Variants in HNRNPUL1 observed in about 807,000 individuals in gnomAD.
HNRNPUL1 encodes heterogeneous nuclear ribonucleoprotein U-like protein 1.
HNRNPUL1 carries 14 observed loss-of-function variants against 108.5 expected under a neutral mutation model. The observed-to-expected ratio is 0.13, with a 90% CI of 0.09 to 0.20. HNRNPUL1 has a LOEUF of 0.20. Among genes scored for constraint, HNRNPUL1 ranks in the 10% least tolerant of loss-of-function variants. The pLI, the probability that HNRNPUL1 is intolerant of heterozygous loss-of-function variation, is 1.00. For synonymous variants in HNRNPUL1, 422 were observed against 445.2 expected, an observed-to-expected ratio of 0.95 and a Z score of 0.66; for missense variants, 804 against 1,168.3, an observed-to-expected ratio of 0.69 and a Z score of 4.55.
intron 2 of HNRNPUL1, among the ~76,000 whole-genome samples, chr19:41,270,888 C>A (rs1439741458): frequency 6.6e-6 from 1 of 152,174 alleles, no homozygotes; most frequent in Non-Finnish European, 1.5e-5. Flanking sequence ...AGCCACTGCG[C>A]CTGGCCTCTC....
At chr19:41,284,595 G>A (rs968046123) in intron 7 of HNRNPUL1, among the ~76,000 whole-genome samples, 1 of 152,214 alleles carries the variant, frequency 6.6e-6, no homozygotes, top group Non-Finnish European at 1.5e-5. Flanking sequence ...GGAGGCTGCA[G>A]TGGGTTATGA....
rs780429510 is a variant in HNRNPUL1 at position 41,304,286 on chromosome 19, A to C, written c.2262+25A>C. On this transcript the variant is annotated intron_variant, in intron 13 of 14. Coordinates refer to ENST00000392006, the MANE Select transcript of HNRNPUL1 (RefSeq NM_007040.6). ...GGTGAGAGAATGAGTGTGTGTTTGT[A>C]TGTAGTGATCGCACGTGTGCTTTTG... 8 of 1,572,640 alleles carry C rather than the reference A, an allele frequency of 5.1e-6. No individual in the cohort carries two copies. The East Asian group carries it at 1.8e-4, about 35-fold the overall frequency.
Position 41,307,074 on chromosome 19 carries a change from G to T in HNRNPUL1, c.*509G>T, listed in dbSNP as rs2037587457. On this transcript the variant is annotated 3_prime_UTR_variant, in exon 15 of 15. Transcript: ENST00000392006. ...AAGTTTAAAAAGCAAAATGGGGAGG[G>T]GGAGGAAGCAGTGACTTTTTTTTGG... 1 of 152,186 alleles carries T rather than the reference G, an allele frequency of 6.6e-6. No individual in the cohort carries two copies. Among genetic ancestry groups the T allele is most frequent in the African/African-American group, 2.4e-5 (1 of 41,420 alleles). The allele number at this position is 152,186 out of a possible 1,614,324, so 9.4% of individuals were successfully genotyped here.
intron 5 of HNRNPUL1, chr19:41,276,931 A>C (rs756949419): frequency 6.6e-6 from 1 of 152,134 alleles, no homozygotes; most frequent in Non-Finnish European, 1.5e-5. Context: ...AACCCTGTCT[A>C]CTAAAAATAC....
intron 10 of HNRNPUL1, among the ~76,000 whole-genome samples, chr19:41,297,547 TC>T (rs2036962497): frequency 1.3e-5 from 2 of 152,310 alleles, no homozygotes; most frequent in Non-Finnish European, 2.9e-5. Flanking sequence ...TCTGGCCTTG[TC>T]CCAGAGGGCC....
chr19:41,271,067 C>T (rs560025293), intron 2 of HNRNPUL1, among the ~76,000 whole-genome samples: 3 of 152,280 alleles, frequency 2.0e-5, no homozygotes, highest in East Asian at 1.9e-4. Flanking sequence ...TGATGGAGCC[C>T]GGACTGACCC....
At position 41,281,079 on chromosome 19, in the gene HNRNPUL1, T is replaced by G. The variant is rs2035872067; in HGVS notation, c.887-84T>G. 4 of 862,024 alleles carry G rather than the reference T, an allele frequency of 4.6e-6. No individual in the cohort carries two copies. In the East Asian group the frequency reaches 9.8e-5, roughly 21 times the overall value. 53.4% of individuals were successfully genotyped at this position (862,024 alleles called of 1,614,324 possible). Reference sequence around the variant, plus strand: ...ACTAGTAAAGAAAATGATTTTTTTCTTCAAAAATAAAAGTATGTGGCAGCC... The same window carrying G: ...ACTAGTAAAGAAAATGATTTTTTTCGTCAAAAATAAAAGTATGTGGCAGCC... On this transcript the variant is annotated intron_variant, in intron 6 of 14. Coordinates refer to ENST00000392006, the MANE Select transcript of HNRNPUL1 (RefSeq NM_007040.6).
upstream of HNRNPUL1, chr19:41,264,337 A>C (rs973219805): frequency 3.7e-5 from 19 of 519,372 alleles, no homozygotes; most frequent in Non-Finnish European, 5.2e-5. Context: ...ACATCGGACG[A>C]GGCACGAGTG....
At chr19:41,277,398 AT>A (rs2035630196) in intron 5 of HNRNPUL1, among the ~76,000 whole-genome samples, 1 of 152,230 alleles carries the variant, frequency 6.6e-6, no homozygotes, top group Non-Finnish European at 1.5e-5. Context: ...AGAGGGTTAT[AT>A]TTTATTGACC....
chr19:41,272,576 T>TCC (rs1399017739), intron 3 of HNRNPUL1, among the ~76,000 whole-genome samples: 2 of 152,214 alleles, frequency 1.3e-5, no homozygotes, highest in Non-Finnish European at 2.9e-5. Context: ...CTAACACTAC[T>TCC]CCCAAATACA....
At chr19:41,285,901 G>A (rs1432823518) in intron 7 of HNRNPUL1, among the ~76,000 whole-genome samples, 2 of 152,150 alleles carry the variant, frequency 1.3e-5, no homozygotes, top group African/African-American at 2.4e-5. Context: ...GAGCGCAGTG[G>A]CTCACGCCTG....
At position 41,303,967 on chromosome 19, in the gene HNRNPUL1, C is replaced by T; in HGVS notation, c.1973-5C>T. On this transcript the variant is annotated splice_polypyrimidine_tract_variant and splice_region_variant and intron_variant, in intron 12 of 14. Transcript: ENST00000392006. ...GCGCCTTTCATCTGGATTTCTCCAA[C>T]ACAGGTTTCAACCGCAGCGGAGGTG... 1 of 1,603,910 alleles carries T rather than the reference C, an allele frequency of 6.2e-7. No homozygotes were observed. Among genetic ancestry groups the T allele is most frequent in the East Asian group, 2.2e-5 (1 of 44,672 alleles).
rs2035893142 is a variant in HNRNPUL1 at position 41,281,426 on chromosome 19, C to G, written c.999+151C>G. 4 of 608,106 alleles carry G rather than the reference C, an allele frequency of 6.6e-6. No individual in the cohort carries two copies. The South Asian group carries it at 7.7e-5, about 12-fold the overall frequency. The allele number at this position is 608,106 out of a possible 1,614,324, so 37.7% of individuals were successfully genotyped here. On this transcript the variant is annotated intron_variant, in intron 7 of 14. Coordinates refer to ENST00000392006, the MANE Select transcript of HNRNPUL1 (RefSeq NM_007040.6). Reference sequence around the variant, plus strand: ...CTTGACAGACTGGAATGTTTACTGTCATTTTGTGGGAAATTCTGTCATTCC... The same window carrying G: ...CTTGACAGACTGGAATGTTTACTGTGATTTTGTGGGAAATTCTGTCATTCC...
chr19:41,279,941 G>A (rs2035806923), intron 6 of HNRNPUL1, among the ~76,000 whole-genome samples: 1 of 152,104 alleles, frequency 6.6e-6, no homozygotes, highest in Non-Finnish European at 1.5e-5. Flanking sequence ...TGTATGATGG[G>A]CATATTTTTG....
At chr19:41,275,549 C>T (rs764714845) in intron 4 of HNRNPUL1, among the ~76,000 whole-genome samples, 10 of 152,116 alleles carry the variant, frequency 6.6e-5, no homozygotes, top group Non-Finnish European at 1.3e-4. Flanking sequence ...AAATACACAT[C>T]CCCACCAAAG....
chr19:41,304,462 C>T (rs989931259), intron 13 of HNRNPUL1, among the ~76,000 whole-genome samples: 1 of 152,178 alleles, frequency 6.6e-6, no homozygotes, highest in African/African-American at 2.4e-5. Context: ...CCCCTCCAAA[C>T]CCAGGAGTAA....
At chr19:41,302,232 T>TTTTG (rs71916188) in intron 11 of HNRNPUL1, among the ~76,000 whole-genome samples, 7 of 148,912 alleles carry the variant, frequency 4.7e-5, no homozygotes, top group Non-Finnish European at 1.0e-4. Context: ...TTTTTTTTTT[T>TTTTG]TTTGGAGAGG....
chr19:41,265,356 G>C, intron 1 of HNRNPUL1: 1 of 1,509,654 alleles, frequency 6.6e-7, no homozygotes, highest in East Asian at 2.6e-5. Flanking sequence ...ACGGGGGTGG[G>C]TGGGAGAGGT....
At chr19:41,283,153 A>G (rs1328599329) in intron 7 of HNRNPUL1, among the ~76,000 whole-genome samples, 1 of 152,254 alleles carries the variant, frequency 6.6e-6, no homozygotes, top group East Asian at 1.9e-4. Context: ...ATTTACTAGC[A>G]TAAAATATCC....
Sources: gnomAD v4.1 joint callset for allele counts (sites outside exome capture counted in the v4.1 genomes callset) on GRCh38, gnomAD v4.1.1 for gene constraint, MANE v1.5 for transcripts, NCBI Gene and HGNC (gene_info 2026-07-23, HGNC 2026-07-21) for gene names.